PRKN: variants seen among roughly 807,000 people sequenced by gnomAD.
PRKN encodes the protein parkin RBR E3 ubiquitin protein ligase.
PRKN carries 56 observed loss-of-function variants against 59.5 expected under a neutral mutation model. That is an observed-to-expected ratio of 0.94 (90% CI 0.76 to 1.18). PRKN has a LOEUF of 1.18. Among genes scored for constraint, PRKN ranks in the 50% most tolerant of loss-of-function variants. PRKN has a pLI of 0.00. For synonymous variants in PRKN, 250 were observed against 222.1 expected (o/e 1.13, Z -1.12); for missense variants, 657 against 596.4 (o/e 1.10, Z -1.06).
intron 6 of PRKN, among the ~76,000 whole-genome samples, chr6:161,860,220 C>T (rs1793835321): frequency 6.6e-6 from 1 of 152,136 alleles, no homozygotes; most frequent in East Asian, 1.9e-4. Flanking sequence ...TCTTTCCCTG[C>T]CTTTTTGAGT....
At chr6:162,601,028 A>C (rs1781687294) in intron 1 of PRKN, among the ~76,000 whole-genome samples, 1 of 152,176 alleles carries the variant, frequency 6.6e-6, no homozygotes. Context: ...AGACTGGGTA[A>C]ATTATAAATT....
chr6:162,499,594 G>A (rs368854637), intron 1 of PRKN, among the ~76,000 whole-genome samples: 22 of 152,306 alleles, frequency 1.4e-4, no homozygotes, highest in East Asian at 1.2e-3. Context: ...GAATTCAGGA[G>A]ACCCGGACAC....
intron 7 of PRKN, among the ~76,000 whole-genome samples, chr6:161,571,225 G>A (rs138000065): frequency 9.3e-4 from 142 of 152,286 alleles, no homozygotes; most frequent in Middle Eastern, 3.4e-3. Context: ...GATTATAGGC[G>A]TGAGCCACTG....
Position 161,498,935 on chromosome 6 carries a change from G to GTGTA in PRKN, c.1083+49915_1083+49918dup, listed in dbSNP as rs144696074. ...GAAGAGTGAGATGGGGTGAGTGTGT[G>GTGTA]TGTATGGGGATGGGGGAGGATTGAG... On this transcript the variant is annotated intron_variant, in intron 9 of 11. Coordinates refer to ENST00000366898, the MANE Select transcript of PRKN (RefSeq NM_004562.3). This position sits in a 1 kb window ranked among gnomAD's most constrained non-coding sequence, Gnocchi z 4.2. 9.6e-3 allele frequency among the ~76,000 whole-genome samples: 1,460 copies of GTGTA among 152,290 alleles called. 28 individuals are homozygous for GTGTA. Among genetic ancestry groups the GTGTA allele is most frequent in the African/African-American group, 0.033 (1,382 of 41,560 alleles).
At chr6:162,023,317 C>A (rs1562467124) in intron 5 of PRKN, among the ~76,000 whole-genome samples, 2 of 152,230 alleles carry the variant, frequency 1.3e-5, no homozygotes, top group South Asian at 4.1e-4. Flanking sequence ...CTTTCTGTAT[C>A]CCCAGTTTCT....
chr6:161,774,862 C>G (rs1319068838), intron 7 of PRKN, among the ~76,000 whole-genome samples: 2 of 152,166 alleles, frequency 1.3e-5, no homozygotes, highest in Non-Finnish European at 2.9e-5. Context: ...AAAAATAAAA[C>G]AGGAAGGAGT....
At chr6:161,658,793 A>G (rs1784446137) in intron 7 of PRKN, among the ~76,000 whole-genome samples, 1 of 152,238 alleles carries the variant, frequency 6.6e-6, no homozygotes, top group Non-Finnish European at 1.5e-5. Flanking sequence ...GAAGAAGTAA[A>G]TATTCAACAG....
intron 3 of PRKN, among the ~76,000 whole-genome samples, chr6:162,217,333 G>T (rs1385400258): frequency 1.3e-5 from 2 of 152,080 alleles, no homozygotes; most frequent in Non-Finnish European, 2.9e-5. Flanking sequence ...TCTCCTTACT[G>T]CTCTGGCTTC....
intron 1 of PRKN, among the ~76,000 whole-genome samples, chr6:162,454,904 C>T (rs541829218): frequency 6.6e-6 from 1 of 152,182 alleles, no homozygotes; most frequent in South Asian, 2.1e-4. Context: ...CACAGTAGAG[C>T]TTTATTTCTT....
intron 1 of PRKN, among the ~76,000 whole-genome samples, chr6:162,642,606 A>G (rs556965423): frequency 2.8e-4 from 43 of 152,050 alleles, no homozygotes; most frequent in Admixed American, 1.1e-3. Flanking sequence ...TAGCAAACCA[A>G]TATAAGTATA....
rs780424226 is a variant in PRKN, at chr6:162,461,499, C to CAA, written c.8-18028_8-18027dup. On this transcript the variant is annotated intron_variant, in intron 1 of 11. Transcript: ENST00000366898. ...CCTGGAGGACAGAGTTAAAGTGTCT[C>CAA]AAAAAAAAAAAAAAAAAAAAAAAAA... Among the ~76,000 whole-genome samples, 132 of 36,510 alleles carry CAA rather than the reference C, an allele frequency of 3.6e-3. 5 individuals are homozygous for CAA. Among genetic ancestry groups the CAA allele is most frequent in the East Asian group, 0.017 (12 of 704 alleles). The allele number at this position is 36,510 out of a possible 152,430, so 24.0% of individuals were successfully genotyped here. A position where few individuals can be genotyped will look rare whatever the true frequency, so the allele number is the denominator to read the frequency against.
chr6:162,139,461 C>A (rs529991372), intron 4 of PRKN, among the ~76,000 whole-genome samples: 1 of 152,216 alleles, frequency 6.6e-6, no homozygotes, highest in African/African-American at 2.4e-5. Context: ...AGGGAAGAGA[C>A]AATTTGAACA....
chr6:161,882,433 A>G (rs1794973033), intron 6 of PRKN, among the ~76,000 whole-genome samples: 1 of 152,140 alleles, frequency 6.6e-6, no homozygotes, highest in Non-Finnish European at 1.5e-5. Flanking sequence ...TCCCCAGCCC[A>G]GGCGGCAGCT....
intron 3 of PRKN, among the ~76,000 whole-genome samples, chr6:162,210,755 T>C (rs1297894461): frequency 6.6e-6 from 1 of 152,054 alleles, no homozygotes; most frequent in Non-Finnish European, 1.5e-5. Context: ...TGCAGAAAAG[T>C]TAGGAAGGAA....
At chr6:162,154,208 C>T (rs536123520) in intron 4 of PRKN, among the ~76,000 whole-genome samples, 11 of 152,270 alleles carry the variant, frequency 7.2e-5, no homozygotes, top group African/African-American at 1.9e-4. Flanking sequence ...ACACCCGCAT[C>T]GCCTCTGCAT....
At chr6:162,696,667 C>T (rs1163776264) in intron 1 of PRKN, among the ~76,000 whole-genome samples, 1 of 150,856 alleles carries the variant, frequency 6.6e-6, no homozygotes, top group Non-Finnish European at 1.5e-5. Context: ...AGCCATCCTC[C>T]CAAGCAGCAG....
chr6:161,790,213 G>T (rs1790584019), intron 6 of PRKN, among the ~76,000 whole-genome samples: 1 of 152,194 alleles, frequency 6.6e-6, no homozygotes, highest in African/African-American at 2.4e-5. Flanking sequence ...TCACTGGAAA[G>T]AAATGTTGTT....
chr6:162,643,124 G>A (rs995219855), intron 1 of PRKN, among the ~76,000 whole-genome samples: 11 of 152,098 alleles, frequency 7.2e-5, no homozygotes, highest in South Asian at 2.1e-4. Context: ...GCAGCCGGGC[G>A]CGGTGGCTGG....
At chr6:161,992,220 A>G (rs550551291) in intron 5 of PRKN, among the ~76,000 whole-genome samples, 11 of 152,130 alleles carry the variant, frequency 7.2e-5, no homozygotes, top group African/African-American at 2.6e-4. Flanking sequence ...CGCACCTGTA[A>G]TCCCAGCTAC....
Sources: gnomAD v4.1 joint callset for allele counts (sites outside exome capture counted in the v4.1 genomes callset) on GRCh38, gnomAD v4.1.1 for gene constraint, Gnocchi (gnomAD v3.1) non-coding constraint, MANE v1.5 for transcripts, NCBI Gene and HGNC (gene_info 2026-07-23, HGNC 2026-07-21) for gene names.